The following CIZ1 variants were observed in gnomAD, a reference collection of about 807,000 sequenced individuals.
CIZ1 encodes the protein CDKN1A interacting zinc finger protein 1, also known as cip1-interacting zinc finger protein.
CIZ1 carries 58 observed loss-of-function variants against 118.6 expected under a neutral mutation model. The observed-to-expected ratio is 0.49, with a 90% CI of 0.40 to 0.61. The LOEUF (loss-of-function observed/expected upper bound fraction) is 0.61. CIZ1 is among the 20% of genes least tolerant of loss of function. CIZ1 has a pLI of 0.00. For synonymous variants in CIZ1, 448 were observed against 443.4 expected (o/e 1.01, Z -0.13); for missense variants, 921 against 1,115.9 (o/e 0.83, Z 2.49).
At chr9:128,187,647 A>G (rs1653627578) in intron 4 of CIZ1, among the ~76,000 whole-genome samples, 2 of 152,236 alleles carry the variant, frequency 1.3e-5, no homozygotes, top group South Asian at 4.1e-4. Flanking sequence ...TCTTAAAAAC[A>G]ATAAGACAAA....
intron 5 of CIZ1, among the ~76,000 whole-genome samples, chr9:128,181,064 G>A (rs1340804712): frequency 6.6e-6 from 1 of 152,134 alleles, no homozygotes; most frequent in Non-Finnish European, 1.5e-5. Context: ...CCTGGCCACA[G>A]TGCTACCTCC....
chr9:128,166,610 C>A lies in CIZ1; in HGVS notation c.2487+149G>T. 8.8e-7 allele frequency: 1 copy of A among 1,135,102 alleles called. No homozygotes were observed. Among genetic ancestry groups the A allele is most frequent in the Non-Finnish European group, 1.3e-6 (1 of 784,166 alleles). 70.3% of individuals were successfully genotyped at this position (1,135,102 alleles called of 1,614,324 possible). ...TGAACAATAAGAGCCCAACCCCACC[C>A]CAGCTCTAATTCTCTCCCTGTTGGT... is the stretch of plus-strand genomic sequence containing the variant. On this transcript the variant is annotated intron_variant, in intron 16 of 16. Transcript: ENST00000372938. The surrounding 1 kb of genome is among the most constrained non-coding windows in gnomAD (Gnocchi z 4.4).
chr9:128,172,476 G>A (rs751184594), intron 11 of CIZ1, among the ~76,000 whole-genome samples: 14 of 152,024 alleles, frequency 9.2e-5, no homozygotes, highest in African/African-American at 2.7e-4. Flanking sequence ...CTGGGCAACG[G>A]AGCGAGACTC....
rs767189940 is a variant in CIZ1, at chr9:128,169,126, C to T, written c.2221G>A (p.Glu741Lys). 18 of 1,614,028 alleles carry T rather than the reference C, an allele frequency of 1.1e-5. No individual in the cohort carries two copies. The highest frequency in any genetic ancestry group is 2.7e-5 in the African/African-American group (2 of 74,908). ...FITVDAVGCF[E>K]GDEEEEEDDE... is the part of the protein sequence containing the mutation. ...TCCTCTTCCTCTTCTTCATCACCCTCGAAGCAACCCACAGCGTCCACTGTA... is the reference window on the plus strand; with the variant it reads ...TCCTCTTCCTCTTCTTCATCACCCTTGAAGCAACCCACAGCGTCCACTGTA... Residue 741 changes from glutamate to lysine, a missense_variant, in exon 14 of 17, where the codon GAG becomes AAG. Transcript: ENST00000372938.
At position 128,166,951 on chromosome 9, in the gene CIZ1, C is replaced by T; in HGVS notation, c.2366-71G>A. The T allele has an allele frequency of 6.2e-7, 1 of 1,611,602 alleles. No individual in the cohort carries two copies. The highest frequency in any genetic ancestry group is 1.1e-5 in the South Asian group (1 of 90,834). On this transcript the variant is annotated intron_variant, in intron 15 of 16. Coordinates refer to ENST00000372938, the MANE Select transcript of CIZ1 (RefSeq NM_001131016.2). This position sits in a 1 kb window ranked among gnomAD's most constrained non-coding sequence, Gnocchi z 4.4. ...CGAGGTGTCCCTCCCTCTCTAGGGG[C>T]CCATGTGCTCCCCAACCCTCTAGGC... is the stretch of plus-strand genomic sequence containing the variant.
At chr9:128,187,753 C>A in intron 4 of CIZ1, 110 bp downstream of exon 4, 1 of 349,594 alleles carries the variant, frequency 2.9e-6, no homozygotes. Context: ...TGTTCAATTG[C>A]ACTAGCACTC....
intron 11 of CIZ1, among the ~76,000 whole-genome samples, chr9:128,174,618 C>T (rs571586064): frequency 2.6e-5 from 4 of 152,118 alleles, no homozygotes; most frequent in Admixed American, 2.6e-4. Flanking sequence ...GTGTTGGGGA[C>T]CAAGGTGAGG....
upstream of CIZ1, among the ~76,000 whole-genome samples, chr9:128,192,150 G>A (rs575900021): frequency 4.6e-5 from 7 of 152,224 alleles, no homozygotes; most frequent in East Asian, 1.2e-3. Flanking sequence ...AGTACTCTGG[G>A]AGGCCGAGGC....
At position 128,169,103 on chromosome 9, in the gene CIZ1, C is replaced by G; in HGVS notation, c.2244G>C (p.Glu748Asp). Reference protein sequence around the residue: ...GCFEGDEEEEEDDEDEEEIEV... With the variant: ...GCFEGDEEEEDDDEDEEEIEV... ...CGATCTCTTCTTCATCCTCATCATC[C>G]TCTTCCTCTTCTTCATCACCCTCGA... Residue 748 changes from glutamate (E) to aspartate (D), a missense_variant, in exon 14 of 17, where the codon GAG becomes GAC. By Grantham distance (45) the Glu-to-Asp change is conservative. Transcript: ENST00000372938. 6.2e-7 allele frequency: 1 copy of G among 1,614,088 alleles called. No individual in the cohort carries two copies. Among genetic ancestry groups the G allele is most frequent in the Non-Finnish European group, 8.5e-7 (1 of 1,179,934 alleles).
chr9:128,191,990 C>G, upstream of CIZ1: 1 of 1,244,148 alleles, frequency 8.0e-7, no homozygotes, highest in African/African-American at 1.6e-5. The surrounding 1 kb of genome is among the most constrained non-coding windows in gnomAD (Gnocchi z 5.5). Context: ...TCTTACAGTC[C>G]GTCAGGAGTT....
At chr9:128,171,465 C>T (rs944408736) in intron 11 of CIZ1, among the ~76,000 whole-genome samples, 2 of 150,142 alleles carry the variant, frequency 1.3e-5, no homozygotes, top group Non-Finnish European at 3.0e-5. Context: ...CGGTGGCTCA[C>T]GCCTGTAATC....
upstream of CIZ1, among the ~76,000 whole-genome samples, chr9:128,195,349 G>A (rs1405699026): frequency 3.3e-5 from 5 of 152,102 alleles, no homozygotes; most frequent in Non-Finnish European, 1.5e-5. Flanking sequence ...ACAGAATTTT[G>A]TTCTGTCATC....
chr9:128,195,554 G>A (rs1833356792), upstream of CIZ1, among the ~76,000 whole-genome samples: 1 of 152,048 alleles, frequency 6.6e-6, no homozygotes, highest in South Asian at 2.1e-4. Flanking sequence ...CTGATCTCAA[G>A]TGATCTACCC....
intron 11 of CIZ1, 40 bp downstream of exon 11, chr9:128,176,311 C>T (rs765382827): frequency 3.1e-6 from 5 of 1,604,952 alleles, no homozygotes. Context: ...GATGAGACTG[C>T]CTACCCCCCA....
intron 5 of CIZ1, among the ~76,000 whole-genome samples, chr9:128,181,455 ATGAG>A (rs1292920656): frequency 6.6e-6 from 1 of 152,388 alleles, no homozygotes; most frequent in African/African-American, 2.4e-5. Flanking sequence ...ATGATTATAT[ATGAG>A]TATCATTAAT....
At chr9:128,196,092 C>T (rs1022981649), upstream of CIZ1, among the ~76,000 whole-genome samples, 1 of 152,100 alleles carries the variant, frequency 6.6e-6, no homozygotes, top group African/African-American at 2.4e-5. Flanking sequence ...GTCTCGAACT[C>T]CTGACTTCAG....
intron 13 of CIZ1, 77 bp downstream of exon 13, chr9:128,169,329 A>T: frequency 6.8e-7 from 1 of 1,478,012 alleles, no homozygotes; most frequent in Non-Finnish European, 9.5e-7. Flanking sequence ...GCTGGGATAA[A>T]CCTCAACTTG....
rs747516769 is a variant in CIZ1, at chr9:128,166,362, C to T, written c.2532G>A (p.Val844=). 3.2e-6 allele frequency: 5 copies of T among 1,560,184 alleles called. No individual in the cohort carries two copies. Among genetic ancestry groups the T allele is most frequent in the Non-Finnish European group, 4.3e-6 (5 of 1,151,828 alleles). The change falls in exon 17 of 17, where the codon GTG becomes GTA. Residue 844 remains valine (V), a synonymous_variant. Coordinates refer to ENST00000372938, the MANE Select transcript of CIZ1 (RefSeq NM_001131016.2). The surrounding 1 kb of genome is among the most constrained non-coding windows in gnomAD (Gnocchi z 4.4). Reference sequence around the variant, plus strand: ...GGGCGTTGATTGCGCACCGGCGGCTCACAGGTCGGGTGGTGGGGCTGGGGT... The same window carrying T: ...GGGCGTTGATTGCGCACCGGCGGCTTACAGGTCGGGTGGTGGGGCTGGGGT... ...AKNPSPTTRP[V]SRRCAINARN...
chr9:128,178,629 G>T (rs1019403257), intron 8 of CIZ1, 80 bp downstream of exon 8: 2 of 1,578,664 alleles, frequency 1.3e-6, no homozygotes, highest in Non-Finnish European at 1.7e-6. Flanking sequence ...GTCCCAGGCA[G>T]CACCCAGTCA....
Sources: allele counts gnomAD v4.1 joint callset (sites outside exome capture counted in the v4.1 genomes callset), GRCh38; gene constraint gnomAD v4.1.1; non-coding constraint Gnocchi (gnomAD v3.1); transcripts MANE v1.5; gene names NCBI Gene and HGNC (gene_info 2026-07-23, HGNC 2026-07-21).